PYY: variants seen among roughly 807,000 people sequenced by gnomAD.
PYY encodes the protein peptide tyrosine tyrosine.
Under a neutral mutation model 10.3 loss-of-function variants are expected in PYY, and 12 were observed. That is an observed-to-expected ratio of 1.17 (90% CI 0.75 to 1.89). PYY has a LOEUF of 1.89. Among genes scored for constraint, PYY ranks in the 40% most tolerant of loss-of-function variants. The pLI is 0.00. For missense variants in PYY, 141 were observed against 134.0 expected (o/e 1.05, Z -0.26); for synonymous variants, 66 against 62.0 (o/e 1.06, Z -0.30).
chr17:43,967,160 G>A (rs2048760349), intron 1 of PYY, among the ~76,000 whole-genome samples: 1 of 152,080 alleles, frequency 6.6e-6, no homozygotes, highest in Non-Finnish European at 1.5e-5. Context: ...AAAATTAGCT[G>A]GGCGTGGTGG....
In PYY at chr17:43,964,728, G is replaced by A. The variant is rs187503016; in HGVS notation, c.-218+1560C>T. ...TGAGGCAGGAGAATCGCTTGAACCC[G>A]GGAGGCGGAGTTTACGGTGGGCCGA... On this transcript the variant is annotated intron_variant, in intron 2 of 6. Coordinates refer to the PYY transcript ENST00000360085. 3.4e-3 allele frequency among the ~76,000 whole-genome samples: 514 copies of A among 152,248 alleles called. 4 individuals carry two copies. The highest frequency in any genetic ancestry group is 0.011 in the African/African-American group (473 of 41,556).
intron 1 of PYY, among the ~76,000 whole-genome samples, chr17:43,989,231 G>A (rs1441462533): frequency 2.6e-5 from 4 of 151,908 alleles, no homozygotes; most frequent in South Asian, 2.1e-4. Context: ...AAAATTAGCC[G>A]GGCGTGGTGG....
At chr17:43,988,474 T>G (rs921817328) in intron 1 of PYY, among the ~76,000 whole-genome samples, 1 of 151,952 alleles carries the variant, frequency 6.6e-6, no homozygotes, top group Non-Finnish European at 1.5e-5. Flanking sequence ...TCAATTCAGC[T>G]CCCCGGGGAA....
intron 1 of PYY, among the ~76,000 whole-genome samples, chr17:43,973,835 A>G (rs2048811628): frequency 6.6e-6 from 1 of 152,142 alleles, no homozygotes; most frequent in Admixed American, 6.5e-5. Flanking sequence ...ACAACAGACA[A>G]TCGCAAAAAC....
rs565703514 is a variant in PYY, at chr17:43,994,810, C to T, written c.-463+9581G>A. On this transcript the variant is annotated intron_variant, in intron 1 of 6. Transcript: ENST00000360085. The stretch of plus-strand genomic sequence containing the variant: ...CCGGAAGGGTTGGGGTCTCGGGATC[C>T]GAGACAGAGCCCTGCCTGGGCCCAA... Among the ~76,000 whole-genome samples the T allele has an allele frequency of 1.3e-4, 20 of 152,322 alleles. No homozygotes were observed. In the South Asian group the frequency reaches 3.9e-3, roughly 30 times the overall value.
chr17:43,952,958 A>G lies in PYY; in HGVS notation c.292T>C (p.Ter98ArgextTer?). The G allele has an allele frequency of 6.5e-7, 1 of 1,550,116 alleles. No homozygotes were observed. The highest frequency in any genetic ancestry group is 1.4e-5 in the African/African-American group (1 of 72,260). The change falls in exon 4 of 4, where the codon TGA becomes CGA. Residue 98 changes from the stop codon to arginine (R), a stop_lost. Transcript: ENST00000692052. ...RSRSEGPDLW[*>R] ...CTCCCAGGAGGCCTCAGGGGTCCTC[A>G]CCACAGGTCTGGGCCCTCCGACCTG...
At chr17:43,957,674 C>CATAA (rs1369965036), upstream of PYY, among the ~76,000 whole-genome samples, 3 of 151,634 alleles carry the variant, frequency 2.0e-5, no homozygotes, top group East Asian at 3.9e-4. Context: ...TGAATAAATA[C>CATAA]ATAAATAAAT....
At chr17:43,957,098 T>C (rs2048677547), upstream of PYY, among the ~76,000 whole-genome samples, 1 of 148,256 alleles carries the variant, frequency 6.7e-6, no homozygotes, top group African/African-American at 2.5e-5. Flanking sequence ...CTCTGGAGGC[T>C]GAAGCAGGAA....
chr17:43,998,910 G>A (rs1207706501), intron 1 of PYY, among the ~76,000 whole-genome samples: 2 of 152,294 alleles, frequency 1.3e-5, no homozygotes, highest in Non-Finnish European at 2.9e-5. Context: ...GGTCGAGTAG[G>A]TAGTTAGAGA....
At chr17:44,003,692 G>A (rs1029432977) in intron 1 of PYY, among the ~76,000 whole-genome samples, 6 of 145,068 alleles carry the variant, frequency 4.1e-5, no homozygotes, top group Non-Finnish European at 7.5e-5. Context: ...AAAAAAAAAG[G>A]GTTACAGAGG....
chr17:43,976,282 C>CATAT (rs1491439269), intron 1 of PYY, among the ~76,000 whole-genome samples: 15,302 of 99,290 alleles, frequency 0.15, 2,583 homozygotes, highest in Non-Finnish European at 0.2. Context: ...CGTATATATA[C>CATAT]GCATATGTAT....
chr17:43,972,757 G>A (rs190038258), intron 1 of PYY, among the ~76,000 whole-genome samples: 3 of 150,942 alleles, frequency 2.0e-5, no homozygotes, highest in East Asian at 4.0e-4. Context: ...TCACTCTGTC[G>A]CTAGGCTGGG....
intron 1 of PYY, among the ~76,000 whole-genome samples, chr17:43,988,754 CTTCT>C (rs2048930829): frequency 2.3e-5 from 3 of 129,198 alleles, no homozygotes; most frequent in South Asian, 2.7e-4. Flanking sequence ...TTTTCTTTTT[CTTCT>C]TTCTTTCTGT....
At chr17:43,973,417 C>T (rs1391666115) in intron 1 of PYY, among the ~76,000 whole-genome samples, 3 of 152,150 alleles carry the variant, frequency 2.0e-5, no homozygotes, top group Non-Finnish European at 4.4e-5. Context: ...CACCAAGTAC[C>T]AGAAGGGGCT....
rs1058046 is a variant in PYY at position 43,953,163 on chromosome 17, G to C, written c.215C>G (p.Thr72Arg). The stretch of plus-strand genomic sequence containing the variant: ...GGGGAAGAACGTTTTGGAAAGAAGC[G>C]TGTCCGGGCCGTCTCTTTTCCCATA... ...QRYGKRDGPD[T>R]LLSKTFFPDG... The change falls in exon 3 of 4, where the codon ACG becomes AGG. Residue 72 changes from threonine (T) to arginine (R), a missense_variant. Physicochemically the swap from Thr to Arg is moderately conservative, Grantham distance 71 (BLOSUM62 -1). Coordinates refer to ENST00000692052, the MANE Select transcript of PYY (RefSeq NM_001394028.1). 0.65 allele frequency: 1,053,556 copies of C among 1,613,580 alleles called. 349,468 individuals carry two copies. Among genetic ancestry groups the C allele is most frequent in the South Asian group, 0.74 (67,025 of 91,054 alleles).
chr17:43,964,832 G>A (rs1056709474), intron 2 of PYY, among the ~76,000 whole-genome samples: 9 of 152,164 alleles, frequency 5.9e-5, no homozygotes, highest in Admixed American at 6.6e-5. Context: ...ACTGTTTTCC[G>A]TAATAACTGG....
intron 1 of PYY, among the ~76,000 whole-genome samples, chr17:43,995,114 C>A (rs1218901176): frequency 6.6e-6 from 1 of 152,156 alleles, no homozygotes; most frequent in African/African-American, 2.4e-5. Context: ...CAACCTGGGG[C>A]GCAAAGTGGA....
chr17:43,994,350 C>T (rs1171891755), intron 1 of PYY, among the ~76,000 whole-genome samples: 1 of 152,074 alleles, frequency 6.6e-6, no homozygotes, highest in Non-Finnish European at 1.5e-5. Context: ...ACACCCCACC[C>T]CTGGCCTCAA....
At chr17:44,002,708 G>A (rs2049037093) in intron 1 of PYY, among the ~76,000 whole-genome samples, 1 of 152,234 alleles carries the variant, frequency 6.6e-6, no homozygotes, top group Non-Finnish European at 1.5e-5. Flanking sequence ...CGGCTTGTGA[G>A]CTGAGTGACC....
Sources: allele counts gnomAD v4.1 joint callset (sites outside exome capture counted in the v4.1 genomes callset), GRCh38; gene constraint gnomAD v4.1.1; transcripts MANE v1.5; gene names NCBI Gene and HGNC (gene_info 2026-07-23, HGNC 2026-07-21).